The following NPRL3 variants were observed in gnomAD, a reference collection of about 807,000 sequenced individuals.
The protein encoded by NPRL3 is GATOR1 complex protein NPRL3.
A neutral mutation model predicts 57.2 loss-of-function variants in NPRL3; 23 were observed. The ratio of observed to expected loss-of-function variants is 0.40; its 90% CI spans 0.29 to 0.57. The LOEUF (loss-of-function observed/expected upper bound fraction) is 0.57. Among genes scored for constraint, NPRL3 ranks in the 20% least tolerant of loss-of-function variants. The pLI is 0.42. For synonymous variants in NPRL3, 333 were observed against 321.1 expected (o/e 1.04, Z -0.39); for missense variants, 691 against 767.1 (o/e 0.90, Z 1.17).
intron 5 of NPRL3, among the ~76,000 whole-genome samples, chr16:113,795 G>A (rs183374691): frequency 4.9e-4 from 74 of 152,326 alleles, no homozygotes; most frequent in African/African-American, 1.8e-3. Context: ...AGGCTTCAGG[G>A]GCAAAGCCTG....
intron 3 of NPRL3, among the ~76,000 whole-genome samples, chr16:124,612 A>G (rs756284151): frequency 2.0e-5 from 3 of 152,226 alleles, no homozygotes; most frequent in Non-Finnish European, 4.4e-5. Flanking sequence ...ATAGCGTGTC[A>G]TATGAATTTC....
chr16:117,402 A>G (rs1249442908), intron 4 of NPRL3, 27 bp from the exon 5 acceptor site: 1 of 1,520,498 alleles, frequency 6.6e-7, no homozygotes, highest in Admixed American at 1.8e-5. Flanking sequence ...ATTCTAATTA[A>G]TTGAGACGAC....
intron 7 of NPRL3, among the ~76,000 whole-genome samples, chr16:103,616 G>A (rs910021379): frequency 3.3e-5 from 5 of 152,104 alleles, no homozygotes; most frequent in African/African-American, 7.2e-5. Context: ...TTAGGTACTT[G>A]GAGTGCAGCA....
At chr16:104,497 C>T (rs1679158533) in intron 7 of NPRL3, among the ~76,000 whole-genome samples, 1 of 152,300 alleles carries the variant, frequency 6.6e-6, no homozygotes, top group East Asian at 1.9e-4. Flanking sequence ...GACTTCCCAG[C>T]TTGGTCATCT....
At chr16:100,732 G>A (rs1163578956) in intron 7 of NPRL3, among the ~76,000 whole-genome samples, 3 of 149,490 alleles carry the variant, frequency 2.0e-5, no homozygotes, top group African/African-American at 5.0e-5. Context: ...CACTTTGGGA[G>A]GCCAAGGTGG....
In NPRL3 at chr16:112,763, G is replaced by A. The variant is rs769482319; in HGVS notation, c.406C>T (p.Pro136Ser). 6.2e-7 allele frequency: 1 copy of A among 1,601,642 alleles called. No individual in the cohort carries two copies. Among genetic ancestry groups the A allele is most frequent in the South Asian group, 1.1e-5 (1 of 90,094 alleles). Residue 136 changes from proline (P) to serine (S), a missense_variant, in exon 6 of 14, where the codon CCG (proline) becomes TCG (serine). Pro to Ser is a moderately conservative substitution (Grantham distance 74, BLOSUM62 -1). Coordinates refer to ENST00000611875, the MANE Select transcript of NPRL3 (RefSeq NM_001077350.3). The stretch of plus-strand genomic sequence containing the variant: ...TTATGCAGACAGTTTATCACTGACG[G>A]GTCTGCGTTGGCCTGCAGGAGAGAG... ...VVFALRANAD[P>S]SVINCLHNLS...
intron 3 of NPRL3, among the ~76,000 whole-genome samples, chr16:127,806 C>T (rs1228630352): frequency 2.6e-5 from 4 of 151,270 alleles, no homozygotes; most frequent in Admixed American, 2.6e-4. Flanking sequence ...AGGCGCCCGC[C>T]ACCATGCCCG....
At chr16:87,231 T>C (rs1390865413) in intron 13 of NPRL3, among the ~76,000 whole-genome samples, 2 of 151,956 alleles carry the variant, frequency 1.3e-5, no homozygotes, top group Non-Finnish European at 2.9e-5. Context: ...GTCACTGCTT[T>C]TTTTTTTCCT....
At position 98,388 on chromosome 16, in the gene NPRL3, G is replaced by A. The variant is rs112604498; in HGVS notation, c.768-87C>T. On this transcript the variant is annotated intron_variant, in intron 8 of 13. Coordinates refer to ENST00000611875, the MANE Select transcript of NPRL3 (RefSeq NM_001077350.3). ...CCAGGTCCTGCACCAGGTATGCACC[G>A]GGTATGCACCAGGTCCTGCACCAGG... 162 of 1,401,170 alleles carry A rather than the reference G, an allele frequency of 1.2e-4. 2 individuals are homozygous for A. Among genetic ancestry groups the A allele is most frequent in the South Asian group, 9.6e-4 (71 of 74,076 alleles). 86.8% of individuals were successfully genotyped at this position (1,401,170 alleles called of 1,614,324 possible).
In NPRL3 at chr16:100,372, C is replaced by G; in HGVS notation, c.767G>C (p.Arg256Pro). The G allele has an allele frequency of 6.5e-7, 1 of 1,532,028 alleles. No individual in the cohort carries two copies. Among genetic ancestry groups the G allele is most frequent in the Non-Finnish European group, 8.8e-7 (1 of 1,138,248 alleles). The allele number at this position is 1,532,028 out of a possible 1,614,324, so 94.9% of individuals were successfully genotyped here. Reference sequence around the variant, plus strand: ...TGAGCACGTGGGGCTGGGCACTTACCGGATGGCTTTCAGGCTCCGTTCGAT... The same window carrying G: ...TGAGCACGTGGGGCTGGGCACTTACGGGATGGCTTTCAGGCTCCGTTCGAT... ...EAIERSLKAIRPYHALLLLSD... is the reference protein window; with the variant it reads ...EAIERSLKAIPPYHALLLLSD... Residue 256 changes from arginine to proline, a missense_variant and splice_region_variant, in exon 8 of 14, where the codon CGC becomes CCC. By Grantham distance (103) the Arg-to-Pro change is moderately radical. Coordinates refer to ENST00000611875, the MANE Select transcript of NPRL3 (RefSeq NM_001077350.3).
intron 7 of NPRL3, 73 bp downstream of exon 7, chr16:110,452 T>C (rs1477535593): frequency 4.1e-6 from 5 of 1,222,256 alleles, no homozygotes; most frequent in Non-Finnish European, 5.9e-6. Context: ...GCCCTACCTG[T>C]TGACGCTGCT....
intron 8 of NPRL3, 95 bp downstream of exon 8, chr16:100,277 G>T: frequency 7.6e-7 from 1 of 1,311,564 alleles, no homozygotes; most frequent in South Asian, 2.0e-5. Context: ...AGAAGAAAAA[G>T]AGAAATTTTG....
At chr16:115,367 G>C (rs1371566895) in intron 5 of NPRL3, among the ~76,000 whole-genome samples, 1 of 151,786 alleles carries the variant, frequency 6.6e-6, no homozygotes, top group African/African-American at 2.4e-5. Context: ...AATGACAAAA[G>C]TATATATTTT....
chr16:128,865 G>T (rs967308938), intron 3 of NPRL3, among the ~76,000 whole-genome samples: 3 of 152,314 alleles, frequency 2.0e-5, no homozygotes, highest in Admixed American at 6.5e-5. Flanking sequence ...CAGAGCAGGG[G>T]CTTGCGGGCC....
chr16:88,347 G>A (rs1255247657), intron 13 of NPRL3, among the ~76,000 whole-genome samples: 2 of 148,118 alleles, frequency 1.4e-5, no homozygotes, highest in South Asian at 2.1e-4. Flanking sequence ...CGCCACTGCA[G>A]TCCGCAGTCC....
chr16:95,532 AC>A (rs1293801969), intron 9 of NPRL3, among the ~76,000 whole-genome samples: 1 of 151,958 alleles, frequency 6.6e-6, no homozygotes, highest in African/African-American at 2.4e-5. Flanking sequence ...CCCAAAATTT[AC>A]TTGTAGATTC....
chr16:88,872 G>T lies in NPRL3; in HGVS notation c.1370C>A (p.Thr457Asn), dbSNP rs1018118568. 1 of 1,612,170 alleles carries T rather than the reference G, an allele frequency of 6.2e-7. No individual in the cohort carries two copies. Residue 457 changes from threonine to asparagine, a missense_variant, in exon 13 of 14, where the codon ACC becomes AAC. By Grantham distance (65) the Thr-to-Asn change is moderately conservative (BLOSUM62 0). Transcript: ENST00000611875. ...GTTGTCCATGCTGGGGCTGGTGAGG[G>T]TCATGTCATCGCTGCTGGCTGTGGG... The part of the protein sequence containing the change: ...FGSPTSSDDM[T>N]LTSPSMDNSS...
intron 5 of NPRL3, among the ~76,000 whole-genome samples, chr16:113,442 G>C (rs1232961698): frequency 1.3e-5 from 2 of 152,226 alleles, no homozygotes; most frequent in Non-Finnish European, 2.9e-5. Context: ...CTGCAACCAT[G>C]ATGACTGGGT....
Position 89,843 on chromosome 16 carries a change from G to T in NPRL3, c.1221C>A (p.His407Gln). ...MLQRRLLIQL[H>Q]TYVCLMASPS... is the part of the protein sequence containing the mutation. ...GTGAGGCCATCAGGCAGACATAGGTGTGCAGCTGGATGAGAAGCCGGCGCT... is the reference window on the plus strand; with the variant it reads ...GTGAGGCCATCAGGCAGACATAGGTTTGCAGCTGGATGAGAAGCCGGCGCT... The change falls in exon 12 of 14, where the codon CAC becomes CAA. Residue 407 changes from histidine (H) to glutamine (Q), a missense_variant. Coordinates refer to ENST00000611875, the MANE Select transcript of NPRL3 (RefSeq NM_001077350.3). 6 of 1,578,236 alleles carry T rather than the reference G, an allele frequency of 3.8e-6. No individual in the cohort carries two copies. The highest frequency in any genetic ancestry group is 5.2e-6 in the Non-Finnish European group (6 of 1,163,508).
Sources: allele counts gnomAD v4.1 joint callset (sites outside exome capture counted in the v4.1 genomes callset), GRCh38; gene constraint gnomAD v4.1.1; transcripts MANE v1.5; gene names NCBI Gene and HGNC (gene_info 2026-07-23, HGNC 2026-07-21).